KIF13B: variants seen among roughly 807,000 people sequenced by gnomAD.
KIF13B encodes kinesin-like protein KIF13B.
A neutral mutation model predicts 222.0 loss-of-function variants in KIF13B; 127 were observed. The observed-to-expected ratio is 0.57, with a 90% CI of 0.50 to 0.66. The LOEUF (loss-of-function observed/expected upper bound fraction) is 0.66. Among genes scored for constraint, KIF13B ranks in the 30% least tolerant of loss-of-function variants. The pLI, the probability that KIF13B is intolerant of heterozygous loss-of-function variation, is 0.00. For synonymous variants in KIF13B, 976 were observed against 919.0 expected, an observed-to-expected ratio of 1.06 and a Z score of -1.12; for missense variants, 2,173 against 2,379.0, an observed-to-expected ratio of 0.91 and a Z score of 1.80.
At chr8:29,196,095 A>G (rs1813405924) in intron 3 of KIF13B, 92 bp downstream of exon 3, 3 of 1,088,598 alleles carry the variant, frequency 2.8e-6, no homozygotes, top group South Asian at 2.9e-5. Context: ...ATGATAGAAA[A>G]TATTTTCCTT....
In KIF13B at chr8:29,193,785, T is replaced by C. The variant is rs1813293233; in HGVS notation, c.162+2402A>G. On this transcript the variant is annotated intron_variant, in intron 3 of 39. Transcript: ENST00000524189. ...AAAACACCTAAGACAAAGTAGATGC[T>C]ATGTAAATAGTTGTCATACTGTACT... 2.0e-5 allele frequency among the ~76,000 whole-genome samples: 3 copies of C among 152,236 alleles called. No homozygotes were observed. The South Asian group carries it at 6.2e-4, about 32-fold the overall frequency.
At chr8:29,125,177 C>CTCTCACT (rs1810052726) in intron 26 of KIF13B, among the ~76,000 whole-genome samples, 1 of 152,196 alleles carries the variant, frequency 6.6e-6, no homozygotes, top group African/African-American at 2.4e-5. Flanking sequence ...GTAAATGCTT[C>CTCTCACT]TCTCACTTGT....
intron 21 of KIF13B, among the ~76,000 whole-genome samples, chr8:29,136,579 G>GT (rs71222592): frequency 0.82 from 124,747 of 151,264 alleles, 51,999 homozygotes; most frequent in Non-Finnish European, 0.87. Flanking sequence ...GCGAAACTCC[G>GT]CTCAAAAATT....
chr8:29,195,956 G>C (rs1057078123), intron 3 of KIF13B, among the ~76,000 whole-genome samples: 4 of 152,236 alleles, frequency 2.6e-5, no homozygotes, highest in African/African-American at 9.6e-5. Context: ...CTGTGTTGTA[G>C]CTGCTAGGAG....
Position 29,116,914 on chromosome 8 carries a change from G to A in KIF13B, c.3754C>T (p.Arg1252Cys), listed in dbSNP as rs1273689981. 11 of 1,613,360 alleles carry A rather than the reference G, an allele frequency of 6.8e-6. No homozygotes were observed. The highest frequency in any genetic ancestry group is 5.3e-5 in the African/African-American group (4 of 74,888). ...PVDERLFLIV[R>C]VTVQLSHPAD... is the part of the protein sequence containing the mutation. ...GGGTGGCTGAGCTGGACCGTCACGC[G>A]CACGATCAGGAACAACCGCTCGTCC... The change falls in exon 31 of 40, where the codon CGC (arginine) becomes TGC (cysteine). Residue 1252 changes from arginine to cysteine, a missense_variant. Transcript: ENST00000524189.
chr8:29,247,566 C>T lies in KIF13B; in HGVS notation c.56-2127G>A, dbSNP rs548714819. 3.9e-5 allele frequency among the ~76,000 whole-genome samples: 6 copies of T among 152,158 alleles called. No homozygotes were observed. The East Asian group carries it at 5.8e-4, about 15-fold the overall frequency. On this transcript the variant is annotated intron_variant, in intron 1 of 39. Transcript: ENST00000524189. ...CAAATAGGCCAGGTGCAATGGCTCA[C>T]GCCTGTAATCCCAAGACTTTGAGAG...
At chr8:29,143,343 AT>A (rs1162694037) in intron 18 of KIF13B, among the ~76,000 whole-genome samples, 1 of 152,236 alleles carries the variant, frequency 6.6e-6, no homozygotes, top group African/African-American at 2.4e-5. Context: ...TTTTATTGTA[AT>A]GGATGGCATC....
chr8:29,099,344 G>A, intron 35 of KIF13B, 103 bp from the exon 36 acceptor site: 2 of 749,276 alleles, frequency 2.7e-6, no homozygotes, highest in Non-Finnish European at 4.5e-6. Flanking sequence ...TATTACTAAA[G>A]CTCCTTTGAA....
At chr8:29,204,377 G>A (rs1006858571) in intron 2 of KIF13B, among the ~76,000 whole-genome samples, 4 of 152,018 alleles carry the variant, frequency 2.6e-5, no homozygotes, top group African/African-American at 7.2e-5. Context: ...GAAACACACC[G>A]GCAGAATGAG....
At chr8:29,095,615 A>C (rs988452265) in intron 36 of KIF13B, among the ~76,000 whole-genome samples, 2 of 152,072 alleles carry the variant, frequency 1.3e-5, no homozygotes, top group African/African-American at 4.8e-5. Context: ...AAAAATACAA[A>C]AATTGGCCAG....
chr8:29,123,948 A>T, intron 27 of KIF13B, 76 bp downstream of exon 27: 1 of 868,640 alleles, frequency 1.2e-6, no homozygotes, highest in Non-Finnish European at 1.9e-6. Context: ...TTCTTAACTG[A>T]TGTGGCTACA....
chr8:29,093,908 A>G (rs1366732656), intron 36 of KIF13B, among the ~76,000 whole-genome samples: 1 of 152,238 alleles, frequency 6.6e-6, no homozygotes, highest in Non-Finnish European at 1.5e-5. Flanking sequence ...AGGATGAGAA[A>G]AATAAGAGAG....
At chr8:29,174,267 T>C (rs554944018) in intron 10 of KIF13B, among the ~76,000 whole-genome samples, 6 of 152,308 alleles carry the variant, frequency 3.9e-5, no homozygotes, top group African/African-American at 1.2e-4. Flanking sequence ...CTATTTACTC[T>C]ATGATTTTAA....
intron 37 of KIF13B, among the ~76,000 whole-genome samples, chr8:29,089,771 G>A (rs1317685232): frequency 6.6e-6 from 1 of 151,536 alleles, no homozygotes; most frequent in Admixed American, 6.6e-5. Context: ...GCAGGTGCCT[G>A]TAATCCCAGC....
At chr8:29,233,001 C>A (rs949047445) in intron 2 of KIF13B, among the ~76,000 whole-genome samples, 1 of 152,234 alleles carries the variant, frequency 6.6e-6, no homozygotes, top group Non-Finnish European at 1.5e-5. Flanking sequence ...ACTAAAAATA[C>A]AAAAATTAGC....
At position 29,252,128 on chromosome 8, in the gene KIF13B, G is replaced by A. The variant is rs149328599; in HGVS notation, c.56-6689C>T. On this transcript the variant is annotated intron_variant, in intron 1 of 39. Transcript: ENST00000524189. ...TTATTCCACCAACATTAAAGATTCC[G>A]TATTATTTCCCAAACAAGATTCCTT... Among the ~76,000 whole-genome samples, 104 of 152,302 alleles carry A rather than the reference G, an allele frequency of 6.8e-4. 1 individual carries two copies. The highest frequency in any genetic ancestry group is 3.4e-3 in the Middle Eastern group (1 of 294).
intron 1 of KIF13B, among the ~76,000 whole-genome samples, chr8:29,257,340 T>G (rs185345207): frequency 4.2e-5 from 6 of 141,924 alleles, no homozygotes; most frequent in Admixed American, 2.1e-4. Context: ...CGAGTTTTTG[T>G]TTTTTTTTTT....
chr8:29,143,691 C>T (rs1032792839), intron 18 of KIF13B, among the ~76,000 whole-genome samples: 2 of 151,942 alleles, frequency 1.3e-5, no homozygotes, highest in African/African-American at 4.8e-5. Context: ...ACTAAAAATA[C>T]AAAAATTAGC....
intron 11 of KIF13B, 140 bp from the exon 12 acceptor site, chr8:29,165,912 T>TCGAAGTACCTCGATTGC (rs1811977854): frequency 1.1e-5 from 7 of 643,698 alleles, no homozygotes; most frequent in Non-Finnish European, 1.8e-5. Context: ...ACTTCGATTG[T>TCGAAGTACCTCGATTGC]AGATCGAAGT....
Sources: gnomAD v4.1 joint callset for allele counts (sites outside exome capture counted in the v4.1 genomes callset) on GRCh38, gnomAD v4.1.1 for gene constraint, MANE v1.5 for transcripts, NCBI Gene and HGNC (gene_info 2026-07-23, HGNC 2026-07-21) for gene names.